ENPP6: variants seen among roughly 807,000 people sequenced by gnomAD.
ENPP6 encodes glycerophosphocholine cholinephosphodiesterase ENPP6.
A neutral mutation model predicts 42.0 loss-of-function variants in ENPP6; 32 were observed. The ratio of observed to expected loss-of-function variants is 0.76; its 90% CI spans 0.58 to 1.02. ENPP6 has a LOEUF of 1.02. Among genes scored for constraint, ENPP6 ranks in the 50% least tolerant of loss-of-function variants. ENPP6 has a pLI of 0.00. For missense variants in ENPP6, 552 were observed against 566.8 expected, an observed-to-expected ratio of 0.97 and a Z score of 0.27; for synonymous variants, 213 against 216.0, an observed-to-expected ratio of 0.99 and a Z score of 0.12.
intron 1 of ENPP6, among the ~76,000 whole-genome samples, chr4:184,172,647 T>C (rs1737487986): frequency 6.6e-6 from 1 of 152,128 alleles, no homozygotes; most frequent in Non-Finnish European, 1.5e-5. Flanking sequence ...TAATGACTAA[T>C]GTGGGTTTTT....
At chr4:184,208,841 T>TCTGA (rs545552857) in intron 1 of ENPP6, among the ~76,000 whole-genome samples, 1 of 136,006 alleles carries the variant, frequency 7.4e-6, no homozygotes, top group Admixed American at 7.5e-5. Context: ...AATGTCCCTG[T>TCTGA]CAGCTTTGAA....
At chr4:184,125,714 A>G (rs1736492477) in intron 2 of ENPP6, among the ~76,000 whole-genome samples, 1 of 152,154 alleles carries the variant, frequency 6.6e-6, no homozygotes, top group South Asian at 2.1e-4. Flanking sequence ...GGCTCCTACA[A>G]TCACTGTGAC....
At chr4:184,102,057 A>G (rs1458495710) in intron 6 of ENPP6, among the ~76,000 whole-genome samples, 4 of 152,224 alleles carry the variant, frequency 2.6e-5, no homozygotes, top group Non-Finnish European at 5.9e-5. Context: ...AGGAATAATT[A>G]TGAGATAAGA....
intron 1 of ENPP6, among the ~76,000 whole-genome samples, chr4:184,179,662 A>T (rs1418034585): frequency 6.6e-6 from 1 of 151,976 alleles, no homozygotes; most frequent in Admixed American, 6.6e-5. Context: ...TAACAAAAAA[A>T]ACCACAGTCT....
intron 1 of ENPP6, among the ~76,000 whole-genome samples, chr4:184,209,601 T>C (rs1390697357): frequency 6.6e-6 from 1 of 151,308 alleles, no homozygotes; most frequent in Non-Finnish European, 1.5e-5. Context: ...AGACCAAATC[T>C]ACATCTGATT....
chr4:184,153,344 G>A (rs1737089997), intron 2 of ENPP6, among the ~76,000 whole-genome samples: 2 of 151,972 alleles, frequency 1.3e-5, no homozygotes, highest in South Asian at 2.1e-4. Context: ...GGTTGGTCTC[G>A]AACTCCTGAC....
At chr4:184,125,660 C>G (rs1736491425) in intron 2 of ENPP6, among the ~76,000 whole-genome samples, 1 of 152,060 alleles carries the variant, frequency 6.6e-6, no homozygotes, top group Non-Finnish European at 1.5e-5. Flanking sequence ...TCATGAGAGA[C>G]CCTATTGCTT....
intron 1 of ENPP6, among the ~76,000 whole-genome samples, chr4:184,176,402 T>A (rs1231540737): frequency 2.6e-5 from 4 of 152,170 alleles, no homozygotes; most frequent in Non-Finnish European, 4.4e-5. Context: ...GGAAAGCAGA[T>A]GGAAACGGTG....
At chr4:184,201,308 C>A (rs1190151061) in intron 1 of ENPP6, among the ~76,000 whole-genome samples, 1 of 152,130 alleles carries the variant, frequency 6.6e-6, no homozygotes, top group Non-Finnish European at 1.5e-5. Flanking sequence ...TTTGGCACAG[C>A]ACTCATGCTG....
chr4:184,163,707 G>T (rs886647593), intron 1 of ENPP6, among the ~76,000 whole-genome samples: 10 of 152,214 alleles, frequency 6.6e-5, no homozygotes, highest in Non-Finnish European at 8.8e-5. Context: ...CCTTTAGAAA[G>T]TGATAGTAAT....
At chr4:184,210,884 T>C (rs1016239285) in intron 1 of ENPP6, among the ~76,000 whole-genome samples, 46 of 152,064 alleles carry the variant, frequency 3.0e-4, no homozygotes, top group Admixed American at 6.5e-4. Context: ...TATAATAAAC[T>C]ATCTCTCAGA....
At chr4:184,129,896 GA>G (rs1178561659) in intron 2 of ENPP6, among the ~76,000 whole-genome samples, 3 of 150,760 alleles carry the variant, frequency 2.0e-5, no homozygotes, top group African/African-American at 7.4e-5. Flanking sequence ...CAAAATAGAA[GA>G]AAGGACACAA....
intron 1 of ENPP6, among the ~76,000 whole-genome samples, chr4:184,205,964 C>T (rs1732989150): frequency 6.6e-6 from 1 of 152,164 alleles, no homozygotes; most frequent in Non-Finnish European, 1.5e-5. Flanking sequence ...AGCCAGGGAA[C>T]TAAGGCTGGG....
intron 4 of ENPP6, among the ~76,000 whole-genome samples, chr4:184,117,535 G>C (rs1252516399): frequency 6.6e-6 from 1 of 152,242 alleles, no homozygotes; most frequent in Non-Finnish European, 1.5e-5. Context: ...AGCCAGGCGA[G>C]AAAGCACACC....
chr4:184,135,486 A>C (rs567180482), intron 2 of ENPP6, among the ~76,000 whole-genome samples: 1 of 152,340 alleles, frequency 6.6e-6, no homozygotes, highest in South Asian at 2.1e-4. Context: ...TACATTGCCT[A>C]ATGTTATTAT....
rs532486032 is a variant in ENPP6 at position 184,208,882 on chromosome 4, G to T, written c.241+8697C>A. On this transcript the variant is annotated intron_variant, in intron 1 of 7. Transcript: ENST00000296741. ...CAGTGGTTCTCCCAGCACGCAGCTG[G>T]AGATCTGAGAACGGGCAGACTGCCT... is the stretch of plus-strand genomic sequence containing the variant. 9.1e-5 allele frequency among the ~76,000 whole-genome samples: 13 copies of T among 143,426 alleles called. No individual in the cohort carries two copies. In the East Asian group the frequency reaches 2.4e-3, roughly 27 times the overall value. The allele number at this position is 143,426 out of a possible 152,430, so 94.1% of individuals were successfully genotyped here.
At chr4:184,176,634 G>A (rs1040470794) in intron 1 of ENPP6, among the ~76,000 whole-genome samples, 17 of 152,224 alleles carry the variant, frequency 1.1e-4, no homozygotes, top group African/African-American at 3.1e-4. Flanking sequence ...ACCGAGCTAC[G>A]TTGGCTCCTC....
chr4:184,204,233 T>C (rs1261139049), intron 1 of ENPP6: 2 of 152,182 alleles, frequency 1.3e-5, no homozygotes, highest in Non-Finnish European at 2.9e-5. Flanking sequence ...CATTCGGAGA[T>C]ATTAGGGGGC....
intron 7 of ENPP6, among the ~76,000 whole-genome samples, chr4:184,093,640 A>AAATTAAT (rs1735845254): frequency 7.5e-6 from 1 of 132,462 alleles, no homozygotes; most frequent in Non-Finnish European, 1.6e-5. Flanking sequence ...CTCTGTCTCA[A>AAATTAAT]AATAATAATA....
Sources: gnomAD v4.1 joint callset for allele counts (sites outside exome capture counted in the v4.1 genomes callset) on GRCh38, gnomAD v4.1.1 for gene constraint, MANE v1.5 for transcripts, NCBI Gene and HGNC (gene_info 2026-07-23, HGNC 2026-07-21) for gene names.